LAMA2: variants seen among roughly 807,000 people sequenced by gnomAD.
LAMA2 encodes laminin subunit alpha-2.
In LAMA2, 269 loss-of-function variants were observed where a neutral mutation model predicts 364.8. That is an observed-to-expected ratio of 0.74 (90% CI 0.67 to 0.82). LAMA2 has a LOEUF of 0.82. LAMA2 is among the 40% of genes least tolerant of loss of function. The pLI, the probability that LAMA2 is intolerant of heterozygous loss-of-function variation, is 0.00. For synonymous variants in LAMA2, 1,379 were observed against 1,370.6 expected, an observed-to-expected ratio of 1.01 and a Z score of -0.14; for missense variants, 3,807 against 3,873.2, an observed-to-expected ratio of 0.98 and a Z score of 0.45.
At chr6:129,197,114 TA>T (rs1781896916) in intron 12 of LAMA2, among the ~76,000 whole-genome samples, 1 of 152,172 alleles carries the variant, frequency 6.6e-6, no homozygotes, top group Non-Finnish European at 1.5e-5. Flanking sequence ...TGGTATAGCA[TA>T]ACATAACAGA....
chr6:129,514,596 G>T lies in LAMA2; in HGVS notation c.9211+1G>T. On this transcript the variant is annotated splice_donor_variant, in intron 64 of 64. Coordinates refer to ENST00000421865, the MANE Select transcript of LAMA2 (RefSeq NM_000426.4). LOFTEE classifies it high-confidence loss of function. The stretch of plus-strand genomic sequence containing the variant: ...CCTGTGTTTGTTGGAGGCTTCCCAG[G>T]TGAGTGTTGGCTACCCCAGCAACAA... 1 of 1,611,682 alleles carries T rather than the reference G, an allele frequency of 6.2e-7. No homozygotes were observed. Among genetic ancestry groups the T allele is most frequent in the Non-Finnish European group, 8.5e-7 (1 of 1,178,100 alleles).
chr6:128,983,979 A>G (rs147924467), intron 1 of LAMA2, among the ~76,000 whole-genome samples: 1 of 152,192 alleles, frequency 6.6e-6, no homozygotes, highest in Non-Finnish European at 1.5e-5. Flanking sequence ...CACCAGTGAT[A>G]TTTGTTTTTT....
chr6:129,450,608 A>G (rs1782627653), intron 45 of LAMA2, among the ~76,000 whole-genome samples: 1 of 152,222 alleles, frequency 6.6e-6, no homozygotes, highest in Admixed American at 6.5e-5. Context: ...GATGTGAGCC[A>G]TCACACCCAG....
intron 3 of LAMA2, among the ~76,000 whole-genome samples, chr6:129,093,971 G>A (rs1389659048): frequency 2.0e-5 from 3 of 152,168 alleles, no homozygotes; most frequent in South Asian, 2.1e-4. Flanking sequence ...ACAGACTGGG[G>A]TGGGGGTTAA....
At chr6:129,330,376 C>T (rs113108913) in intron 29 of LAMA2, among the ~76,000 whole-genome samples, 2 of 151,790 alleles carry the variant, frequency 1.3e-5, no homozygotes, top group African/African-American at 4.8e-5. Flanking sequence ...TATGTGCCCC[C>T]TCTCCATCTG....
chr6:129,088,372 C>A (rs1171678919), intron 3 of LAMA2, among the ~76,000 whole-genome samples: 1 of 152,052 alleles, frequency 6.6e-6, no homozygotes, highest in East Asian at 1.9e-4. Context: ...ACAAAACCAC[C>A]ATCATCATCA....
At chr6:129,407,202 A>G (rs1780290971) in intron 40 of LAMA2, among the ~76,000 whole-genome samples, 1 of 152,170 alleles carries the variant, frequency 6.6e-6, no homozygotes, top group Admixed American at 6.5e-5. Context: ...ACACCCTCAC[A>G]GAGACACCCA....
At chr6:129,062,367 A>G (rs899991968) in intron 3 of LAMA2, among the ~76,000 whole-genome samples, 12 of 152,136 alleles carry the variant, frequency 7.9e-5, no homozygotes, top group African/African-American at 2.9e-4. Flanking sequence ...CTGAATCCAG[A>G]CCCAAATACA....
intron 40 of LAMA2, among the ~76,000 whole-genome samples, chr6:129,418,460 A>G (rs1780911158): frequency 6.6e-6 from 1 of 152,146 alleles, no homozygotes; most frequent in South Asian, 2.1e-4. Context: ...CAGAATTGAT[A>G]AGATATTTAT....
chr6:129,186,266 A>G (rs9482998), intron 10 of LAMA2, among the ~76,000 whole-genome samples: 52,314 of 151,576 alleles, frequency 0.35, 12,848 homozygotes, highest in African/African-American at 0.71. Context: ...GTACAAATAA[A>G]TTATAGAATC....
At chr6:129,107,702 CAT>C (rs1775914152) in intron 4 of LAMA2, among the ~76,000 whole-genome samples, 1 of 152,104 alleles carries the variant, frequency 6.6e-6, no homozygotes, top group South Asian at 2.1e-4. Context: ...TGTATAAATT[CAT>C]ATATACTAAT....
chr6:129,302,263 GC>G (rs1329103482), intron 22 of LAMA2, among the ~76,000 whole-genome samples: 2 of 151,938 alleles, frequency 1.3e-5, no homozygotes, highest in African/African-American at 4.8e-5. Context: ...TTTATTTAAT[GC>G]CCAGTAATGT....
Position 129,190,825 on chromosome 6 carries a change from C to T in LAMA2, c.1608+480C>T, listed in dbSNP as rs566817826. 5.9e-5 allele frequency among the ~76,000 whole-genome samples: 9 copies of T among 152,288 alleles called. No homozygotes were observed. In the South Asian group the frequency reaches 1.7e-3, roughly 28 times the overall value. Reference sequence around the variant, plus strand: ...ATTAAAAGGGGACATTAAATATAGGCAATACCTTCATTCTGAGTTGGTTTG... The same window carrying T: ...ATTAAAAGGGGACATTAAATATAGGTAATACCTTCATTCTGAGTTGGTTTG... On this transcript the variant is annotated intron_variant, in intron 11 of 64. Transcript: ENST00000421865.
chr6:129,105,210 C>A (rs1041844479), intron 4 of LAMA2, among the ~76,000 whole-genome samples: 4 of 152,198 alleles, frequency 2.6e-5, no homozygotes, highest in African/African-American at 9.6e-5. Context: ...TACTTTGAGG[C>A]CAACCACAGG....
chr6:129,185,071 T>A (rs1781153394), intron 10 of LAMA2, among the ~76,000 whole-genome samples: 1 of 151,742 alleles, frequency 6.6e-6, no homozygotes, highest in African/African-American at 2.4e-5. Flanking sequence ...AACTACAAAC[T>A]ACCAAAAAAC....
intron 4 of LAMA2, among the ~76,000 whole-genome samples, chr6:129,142,991 T>G (rs778564735): frequency 3.3e-5 from 5 of 152,016 alleles, no homozygotes; most frequent in Admixed American, 1.3e-4. Flanking sequence ...CTTTGAGTAT[T>G]AGGAACATCC....
chr6:129,336,856 A>C lies in LAMA2; in HGVS notation c.4312-5487A>C, dbSNP rs544579766. 2.6e-5 allele frequency among the ~76,000 whole-genome samples: 4 copies of C among 152,362 alleles called. No individual in the cohort carries two copies. In the South Asian group the frequency reaches 6.2e-4, roughly 24 times the overall value. On this transcript the variant is annotated intron_variant, in intron 29 of 64. Transcript: ENST00000421865. Reference sequence around the variant, plus strand: ...TGTATTTGACCTTGTTGTGTTCAAAATATCTGTAAATGCTTTGGATGATAT... The same window carrying C: ...TGTATTTGACCTTGTTGTGTTCAAACTATCTGTAAATGCTTTGGATGATAT...
At chr6:129,407,709 G>T (rs1780317050) in intron 40 of LAMA2, among the ~76,000 whole-genome samples, 1 of 152,166 alleles carries the variant, frequency 6.6e-6, no homozygotes, top group East Asian at 1.9e-4. Flanking sequence ...TTTTTACCTG[G>T]TGGGGTGACC....
At chr6:128,947,950 T>C (rs1780582027) in intron 1 of LAMA2, among the ~76,000 whole-genome samples, 1 of 151,908 alleles carries the variant, frequency 6.6e-6, no homozygotes, top group Non-Finnish European at 1.5e-5. Context: ...GAAATATAGG[T>C]GACAGAATTA....
Sources: allele counts gnomAD v4.1 joint callset (sites outside exome capture counted in the v4.1 genomes callset), GRCh38; gene constraint gnomAD v4.1.1; transcripts MANE v1.5; gene names NCBI Gene and HGNC (gene_info 2026-07-23, HGNC 2026-07-21).